WDFY3: variants seen among roughly 807,000 people sequenced by gnomAD.
The protein encoded by WDFY3 is WD repeat and FYVE domain containing 3.
Under a neutral mutation model 409.6 loss-of-function variants are expected in WDFY3, and 66 were observed. The ratio of observed to expected loss-of-function variants is 0.16; its 90% CI spans 0.13 to 0.20. The LOEUF (loss-of-function observed/expected upper bound fraction) is 0.20, where lower values mean the gene tolerates loss of function less well. Ranked by LOEUF, WDFY3 falls within the 10% of genes least tolerant of loss-of-function variation. The probability of loss-of-function intolerance (pLI) is 1.00; values close to 1 mark genes in which losing one functional copy is unlikely to be tolerated. For synonymous variants in WDFY3, 1,521 were observed against 1,537.1 expected (o/e 0.99, Z 0.25); for missense variants, 3,031 against 4,298.1 (o/e 0.71, Z 8.24).
intron 35 of WDFY3, 80 bp from the exon 36 acceptor site, chr4:84,751,796 TGGAGCA>T: frequency 6.8e-7 from 1 of 1,472,614 alleles, no homozygotes. Context: ...AAAATAAAAC[TGGAGCA>T]GCAGCATTTT....
intron 44 of WDFY3, among the ~76,000 whole-genome samples, chr4:84,731,560 A>G (rs552726331): frequency 6.6e-6 from 1 of 152,274 alleles, no homozygotes; most frequent in African/African-American, 2.4e-5. Context: ...AGTATTTTCC[A>G]ATATGTAACC....
At chr4:84,726,586 A>G (rs926550774) in intron 45 of WDFY3, among the ~76,000 whole-genome samples, 2 of 152,152 alleles carry the variant, frequency 1.3e-5, no homozygotes, top group African/African-American at 4.8e-5. Flanking sequence ...GAAGCAAAAG[A>G]TGTTTTTATA....
At chr4:84,810,388 C>G (rs1233677857) in intron 13 of WDFY3, 44 bp from the exon 14 acceptor site, 1 of 693,066 alleles carries the variant, frequency 1.4e-6, no homozygotes, top group Non-Finnish European at 2.0e-6. Context: ...ACACATAATT[C>G]AAAAAAAAAA....
At chr4:84,843,448 T>C (rs542158544) in intron 5 of WDFY3, among the ~76,000 whole-genome samples, 2 of 152,318 alleles carry the variant, frequency 1.3e-5, no homozygotes, top group East Asian at 3.9e-4. Flanking sequence ...TTGTCCAGGC[T>C]GGAGTGCACG....
intron 13 of WDFY3, among the ~76,000 whole-genome samples, chr4:84,816,042 T>C (rs1753254459): frequency 6.6e-6 from 1 of 152,118 alleles, no homozygotes; most frequent in South Asian, 2.1e-4. Flanking sequence ...CTTACTTAAT[T>C]GCTTATTTTC....
chr4:84,814,806 C>G (rs1386026042), intron 13 of WDFY3, among the ~76,000 whole-genome samples: 1 of 152,080 alleles, frequency 6.6e-6, no homozygotes, highest in African/African-American at 2.4e-5. Flanking sequence ...AATGTTATCA[C>G]AGGTATGAAT....
In WDFY3 at chr4:84,817,551, T is replaced by C. The variant is rs1366524155; in HGVS notation, c.1728A>G (p.Ala576=). The change falls in exon 13 of 68, where the codon GCA becomes GCG. Residue 576 remains alanine, a synonymous_variant. Transcript: ENST00000295888. ...IFREFGGARC[A]HNIVKYPQCR... Reference sequence around the variant, plus strand: ...ATTGAGGGTACTTTACTATATTATGTGCACATCTTGCACCTCCAAATTCTC... The same window carrying C: ...ATTGAGGGTACTTTACTATATTATGCGCACATCTTGCACCTCCAAATTCTC... 1 of 1,604,102 alleles carries C rather than the reference T, an allele frequency of 6.2e-7. No homozygotes were observed. Among genetic ancestry groups the C allele is most frequent in the African/African-American group, 1.3e-5 (1 of 74,666 alleles).
At chr4:84,718,142 T>G (rs1340445398) in intron 48 of WDFY3, among the ~76,000 whole-genome samples, 2 of 151,300 alleles carry the variant, frequency 1.3e-5, no homozygotes, top group Non-Finnish European at 2.9e-5. Flanking sequence ...ATTTATAAAT[T>G]CAGAATAAAT....
At chr4:84,680,499 GTTC>G (rs1252058222) in intron 64 of WDFY3, among the ~76,000 whole-genome samples, 2 of 152,058 alleles carry the variant, frequency 1.3e-5, no homozygotes, top group Non-Finnish European at 2.9e-5. Flanking sequence ...TTGGAATTTT[GTTC>G]TTCTTCCTCT....
intron 32 of WDFY3, among the ~76,000 whole-genome samples, chr4:84,758,912 T>C (rs1403958916): frequency 1.3e-5 from 2 of 152,184 alleles, no homozygotes; most frequent in African/African-American, 4.8e-5. Flanking sequence ...GCCTAGGTTT[T>C]CTCCTAGGGT....
chr4:84,931,849 G>A (rs1022446805), intron 2 of WDFY3, among the ~76,000 whole-genome samples: 30 of 152,000 alleles, frequency 2.0e-4, no homozygotes, highest in African/African-American at 7.2e-4. Flanking sequence ...GGCCTCACAA[G>A]ACAGTTTAAT....
chr4:84,783,835 T>C (rs1298532508), intron 24 of WDFY3, among the ~76,000 whole-genome samples: 3 of 151,300 alleles, frequency 2.0e-5, no homozygotes, highest in Non-Finnish European at 4.4e-5. Context: ...AAGTTTATGT[T>C]CCTTAGATAT....
chr4:84,822,401 G>A (rs567482788), intron 10 of WDFY3, among the ~76,000 whole-genome samples: 1 of 152,204 alleles, frequency 6.6e-6, no homozygotes, highest in South Asian at 2.1e-4. Context: ...ATTAGTAAAT[G>A]GAGCAGAAAG....
At chr4:84,802,969 T>G (rs994207874) in intron 16 of WDFY3, among the ~76,000 whole-genome samples, 29 of 152,324 alleles carry the variant, frequency 1.9e-4, no homozygotes, top group African/African-American at 7.0e-4. Flanking sequence ...ATGTAGTATC[T>G]TCAGTCATTT....
intron 44 of WDFY3, among the ~76,000 whole-genome samples, chr4:84,730,167 A>G (rs1736347938): frequency 6.6e-6 from 1 of 152,174 alleles, no homozygotes. Context: ...TTTTATATTC[A>G]TAATTTTTAC....
chr4:84,793,811 A>T lies in WDFY3; in HGVS notation c.3487+708T>A, dbSNP rs1214278245. Among the ~76,000 whole-genome samples the T allele has an allele frequency of 6.6e-5, 10 of 152,362 alleles. No individual in the cohort carries two copies. The East Asian group carries it at 1.9e-3, about 29-fold the overall frequency. On this transcript the variant is annotated intron_variant, in intron 21 of 67. Transcript: ENST00000295888. ...CAATCTAATTAAAAGACTAACATTC[A>T]TATTATATTAATATTTATTGAACAC...
At chr4:84,962,210 AT>A (rs1775005000) in intron 1 of WDFY3, among the ~76,000 whole-genome samples, 1 of 152,226 alleles carries the variant, frequency 6.6e-6, no homozygotes. Context: ...TGGTAGCTTA[AT>A]TTAGGCCATA....
intron 17 of WDFY3, 26 bp from the exon 18 acceptor site, chr4:84,798,134 T>C: frequency 6.5e-7 from 1 of 1,549,472 alleles, no homozygotes; most frequent in Non-Finnish European, 8.8e-7. Context: ...AGCAAAGTTA[T>C]TCCTTGATTG....
chr4:84,925,653 T>C (rs1302778212), intron 2 of WDFY3, among the ~76,000 whole-genome samples: 1 of 152,192 alleles, frequency 6.6e-6, no homozygotes, highest in Non-Finnish European at 1.5e-5. Flanking sequence ...AGAATTAAGA[T>C]ATGGACTGAA....
Sources: allele counts gnomAD v4.1 joint callset (sites outside exome capture counted in the v4.1 genomes callset), GRCh38; gene constraint gnomAD v4.1.1; transcripts MANE v1.5; gene names NCBI Gene and HGNC (gene_info 2026-07-23, HGNC 2026-07-21).